The following ARSK variants were observed in gnomAD, a reference collection of about 807,000 sequenced individuals.
The protein encoded by ARSK is arylsulfatase family member K.
ARSK carries 37 observed loss-of-function variants against 53.2 expected under a neutral mutation model. The ratio of observed to expected loss-of-function variants is 0.70; its 90% CI spans 0.54 to 0.92. ARSK has a LOEUF of 0.92. ARSK is among the 40% of genes least tolerant of loss of function. ARSK has a pLI of 0.00. For synonymous variants in ARSK, 208 were observed against 223.2 expected, an observed-to-expected ratio of 0.93 and a Z score of 0.61; for missense variants, 613 against 643.0, an observed-to-expected ratio of 0.95 and a Z score of 0.51.
intron 5 of ARSK, among the ~76,000 whole-genome samples, chr5:95,587,588 T>G (rs922684890): frequency 6.6e-6 from 1 of 152,144 alleles, no homozygotes; most frequent in African/African-American, 2.4e-5. Context: ...GACAAATTAT[T>G]TATAATATAG....
chr5:95,582,193 C>T, intron 3 of ARSK, among the ~76,000 whole-genome samples: 1 of 152,070 alleles, frequency 6.6e-6, no homozygotes, highest in East Asian at 1.9e-4. Flanking sequence ...CCCAGGACTG[C>T]TTTCTCACCA....
At chr5:95,587,346 G>C (rs1749135648) in intron 5 of ARSK, among the ~76,000 whole-genome samples, 1 of 152,120 alleles carries the variant, frequency 6.6e-6, no homozygotes, top group African/African-American at 2.4e-5. Context: ...CAGTTCATGT[G>C]TGGAAAAACC....
At chr5:95,585,149 A>G (rs1749091525) in intron 4 of ARSK, among the ~76,000 whole-genome samples, 1 of 152,214 alleles carries the variant, frequency 6.6e-6, no homozygotes, top group African/African-American at 2.4e-5. Context: ...TTACTCCTGC[A>G]AGAATGGTCA....
intron 6 of ARSK, among the ~76,000 whole-genome samples, chr5:95,595,891 TAA>T (rs1749300750): frequency 5.9e-5 from 9 of 152,348 alleles, no homozygotes; most frequent in Non-Finnish European, 8.8e-5. Context: ...CCCCATGTAT[TAA>T]AAAGAAAATG....
intron 6 of ARSK, among the ~76,000 whole-genome samples, chr5:95,594,012 A>G (rs1285449882): frequency 6.6e-6 from 1 of 152,200 alleles, no homozygotes; most frequent in African/African-American, 2.4e-5. Flanking sequence ...AAATCTCTCC[A>G]ATTCTAAACT....
chr5:95,591,552 G>A lies in ARSK; in HGVS notation c.1023G>A (p.Met341Ile). Residue 341 changes from methionine (M) to isoleucine (I), a missense_variant, in exon 6 of 8, where the codon ATG (methionine) becomes ATA (isoleucine). Coordinates refer to ENST00000380009, the MANE Select transcript of ARSK (RefSeq NM_198150.3). ...EASAHVPLLM[M>I]GPGIKAGLQV... ...GTGCACATGTTCCGCTTTTGATGAT[G>A]GGACCAGGAATTAAAGCCGGCCTAC... 6.2e-7 allele frequency: 1 copy of A among 1,614,138 alleles called. No individual in the cohort carries two copies. Among genetic ancestry groups the A allele is most frequent in the Non-Finnish European group, 8.5e-7 (1 of 1,180,016 alleles).
At chr5:95,579,520 A>G (rs1048636897) in intron 3 of ARSK, among the ~76,000 whole-genome samples, 7 of 152,210 alleles carry the variant, frequency 4.6e-5, no homozygotes, top group African/African-American at 1.7e-4. Flanking sequence ...CCATGATTCA[A>G]TTACAATGAG....
At chr5:95,587,337 A>G (rs1749134467) in intron 5 of ARSK, among the ~76,000 whole-genome samples, 1 of 152,214 alleles carries the variant, frequency 6.6e-6, no homozygotes, top group Non-Finnish European at 1.5e-5. Context: ...GGAAGTTTCC[A>G]GTTCATGTGT....
In ARSK at chr5:95,587,789, C is replaced by T. The variant is rs565622475; in HGVS notation, c.871+1056C>T. Among the ~76,000 whole-genome samples the T allele has an allele frequency of 9.2e-5, 14 of 151,986 alleles. No homozygotes were observed. In the South Asian group the frequency reaches 2.9e-3, roughly 32 times the overall value. On this transcript the variant is annotated intron_variant, in intron 5 of 7. Coordinates refer to ENST00000380009, the MANE Select transcript of ARSK (RefSeq NM_198150.3). ...GGTGTGGTGGCACGCACGTGTGATCCCAGCTACTTGGGAGACTGAGGCAAG... is the reference window on the plus strand; with the variant it reads ...GGTGTGGTGGCACGCACGTGTGATCTCAGCTACTTGGGAGACTGAGGCAAG...
At position 95,604,596 on chromosome 5, in the gene ARSK, A is replaced by G. The variant is rs1174495788; in HGVS notation, c.*1070A>G. 1 of 151,976 alleles carries G rather than the reference A, an allele frequency of 6.6e-6. No homozygotes were observed. Among genetic ancestry groups the G allele is most frequent in the Non-Finnish European group, 1.5e-5 (1 of 68,024 alleles). 9.4% of individuals were successfully genotyped at this position (151,976 alleles called of 1,614,324 possible). A position where few individuals can be genotyped will look rare whatever the true frequency, so the allele number is the denominator to read the frequency against. The stretch of plus-strand genomic sequence containing the variant: ...GAGGTGAAATTACTGAGTCAAGACT[A>G]TATTTAGCAAAATTACACTAGATAC... On this transcript the variant is annotated 3_prime_UTR_variant, in exon 8 of 8. Coordinates refer to ENST00000380009, the MANE Select transcript of ARSK (RefSeq NM_198150.3).
At chr5:95,601,384 G>A (rs1392538969) in intron 7 of ARSK, among the ~76,000 whole-genome samples, 1 of 152,162 alleles carries the variant, frequency 6.6e-6, no homozygotes, top group East Asian at 1.9e-4. Context: ...GTACCTCATT[G>A]TTCTGAAGGA....
chr5:95,598,023 A>G (rs181844503), intron 6 of ARSK, among the ~76,000 whole-genome samples: 2 of 152,306 alleles, frequency 1.3e-5, no homozygotes, highest in African/African-American at 4.8e-5. Context: ...GATATGCTCT[A>G]AAAAATGTGT....
At chr5:95,575,802 T>C (rs922719352) in intron 3 of ARSK, among the ~76,000 whole-genome samples, 1 of 152,210 alleles carries the variant, frequency 6.6e-6, no homozygotes, top group African/African-American at 2.4e-5. Context: ...GTCTTTATGT[T>C]TTTCCAAATG....
At chr5:95,593,439 T>A (rs1749250710) in intron 6 of ARSK, among the ~76,000 whole-genome samples, 1 of 152,210 alleles carries the variant, frequency 6.6e-6, no homozygotes, top group Non-Finnish European at 1.5e-5. Flanking sequence ...ATCATATATG[T>A]TAGTTAATTA....
intron 6 of ARSK, among the ~76,000 whole-genome samples, chr5:95,595,113 C>T (rs985405397): frequency 6.6e-6 from 1 of 152,022 alleles, no homozygotes; most frequent in Non-Finnish European, 1.5e-5. Context: ...ACTTCTAATG[C>T]ACATCAAAAC....
At chr5:95,580,921 GA>G in intron 3 of ARSK, 1 of 1,287,938 alleles carries the variant, frequency 7.8e-7, no homozygotes, top group South Asian at 1.2e-5. Flanking sequence ...ACTAATCAAA[GA>G]AGTGAAAAAG....
At position 95,604,215 on chromosome 5, in the gene ARSK, A is replaced by T. The variant is rs959939378; in HGVS notation, c.*689A>T. ...ACTTGTATTTGATGGGATTGTTTGG[A>T]TGTATTTAATGGGAGTATTTGGAGT... On this transcript the variant is annotated 3_prime_UTR_variant, in exon 8 of 8. Coordinates refer to ENST00000380009, the MANE Select transcript of ARSK (RefSeq NM_198150.3). The T allele has an allele frequency of 3.3e-5, 5 of 152,220 alleles. No homozygotes were observed. The highest frequency in any genetic ancestry group is 4.8e-5 in the African/African-American group (2 of 41,466). 9.4% of individuals were successfully genotyped at this position (152,220 alleles called of 1,614,324 possible). A position where few individuals can be genotyped will look rare whatever the true frequency, so the allele number is the denominator to read the frequency against.
intron 1 of ARSK, among the ~76,000 whole-genome samples, chr5:95,562,095 C>T (rs1748645686): frequency 6.6e-6 from 1 of 151,982 alleles, no homozygotes; most frequent in South Asian, 2.1e-4. Context: ...GGCACCTGCC[C>T]AGCTACTCGG....
rs1749117339 is a variant in ARSK, at chr5:95,586,647, A to C, written c.785A>C (p.Asn262Thr). ...PVDYYSSYTK[N>T]CTGRFTKKEI... ...GATTATTACTCTTCTTATACAAAAA[A>C]CTGCACTGGAAGATTTACAAAAAAA... The change falls in exon 5 of 8, where the codon AAC (asparagine) becomes ACC (threonine). Residue 262 changes from asparagine to threonine, a missense_variant. Asn to Thr is a moderately conservative substitution (Grantham distance 65). Coordinates refer to ENST00000380009, the MANE Select transcript of ARSK (RefSeq NM_198150.3). 1 of 1,611,232 alleles carries C rather than the reference A, an allele frequency of 6.2e-7. No homozygotes were observed. The highest frequency in any genetic ancestry group is 1.7e-5 in the Admixed American group (1 of 59,818).
Sources: allele counts gnomAD v4.1 joint callset (sites outside exome capture counted in the v4.1 genomes callset), GRCh38; gene constraint gnomAD v4.1.1; transcripts MANE v1.5; gene names NCBI Gene and HGNC (gene_info 2026-07-23, HGNC 2026-07-21).